RASSF6: variants seen among roughly 807,000 people sequenced by gnomAD.
RASSF6 encodes ras association domain-containing protein 6.
RASSF6 carries 52 observed loss-of-function variants against 44.0 expected under a neutral mutation model. The observed-to-expected ratio is 1.18, with a 90% CI of 0.95 to 1.49. RASSF6 has a LOEUF of 1.49. Ranked by LOEUF, RASSF6 falls within the 40% of genes most tolerant of loss-of-function variation. The pLI is 0.00. For missense variants in RASSF6, 464 were observed against 393.3 expected (o/e 1.18, Z -1.52); for synonymous variants, 162 against 124.6 (o/e 1.30, Z -2.00).
intron 8 of RASSF6, among the ~76,000 whole-genome samples, chr4:73,579,767 T>C (rs1723480777): frequency 6.6e-6 from 1 of 152,058 alleles, no homozygotes; most frequent in African/African-American, 2.4e-5. Context: ...TTGCTACCAT[T>C]TATTTTATAT....
chr4:73,612,620 G>A (rs1334774270), intron 1 of RASSF6, among the ~76,000 whole-genome samples: 1 of 151,296 alleles, frequency 6.6e-6, no homozygotes, highest in Admixed American at 6.6e-5. Context: ...AGAGTACCAG[G>A]AAAAAAAGAA....
intron 6 of RASSF6, among the ~76,000 whole-genome samples, chr4:73,583,304 T>C (rs1055323967): frequency 6.6e-6 from 1 of 152,152 alleles, no homozygotes; most frequent in African/African-American, 2.4e-5. Flanking sequence ...TGTCAACATA[T>C]AGTGAATTTG....
In RASSF6 at chr4:73,582,231, C is replaced by A; in HGVS notation, c.627G>T (p.Met209Ile). 1 of 1,597,502 alleles carries A rather than the reference C, an allele frequency of 6.3e-7. No individual in the cohort carries two copies. Among genetic ancestry groups the A allele is most frequent in the South Asian group, 1.1e-5 (1 of 88,718 alleles). The change falls in exon 7 of 11, where the codon ATG (methionine) becomes ATT (isoleucine). Residue 209 changes from methionine (M) to isoleucine (I), a missense_variant. Physicochemically the swap from Met to Ile is conservative, Grantham distance 10. Transcript: ENST00000307439. Reference sequence around the variant, plus strand: ...GTTGCTTTATTACTTCTTCAGTTCTCATGTTACTGTTTACTCTGACCTTAG... The same window carrying A: ...GTTGCTTTATTACTTCTTCAGTTCTAATGTTACTGTTTACTCTGACCTTAG... Reference protein sequence around the residue: ...SETKVRVNSNMRTEEVIKQLL... With the variant: ...SETKVRVNSNIRTEEVIKQLL...
intron 4 of RASSF6, among the ~76,000 whole-genome samples, chr4:73,590,947 G>A (rs1578035900): frequency 6.6e-6 from 1 of 152,176 alleles, no homozygotes; most frequent in Non-Finnish European, 1.5e-5. Flanking sequence ...GGTGTATCAT[G>A]AGGATATTAT....
At chr4:73,605,076 G>A (rs1027815444) in intron 2 of RASSF6, among the ~76,000 whole-genome samples, 3 of 151,904 alleles carry the variant, frequency 2.0e-5, no homozygotes, top group South Asian at 2.1e-4. Flanking sequence ...TTTCAGTAGA[G>A]ATGGGGTTTC....
At chr4:73,587,073 G>T (rs1724153040) in intron 5 of RASSF6, among the ~76,000 whole-genome samples, 1 of 151,988 alleles carries the variant, frequency 6.6e-6, no homozygotes, top group South Asian at 2.1e-4. Flanking sequence ...TCAGTCATCA[G>T]CATCCACTAC....
Position 73,572,951 on chromosome 4 carries a change from A to G in RASSF6, c.*3284T>C, listed in dbSNP as rs760882427. ...AGTGTTCACACACACAAATACATAT[A>G]TATATACACACACATACATATATAA... On this transcript the variant is annotated 3_prime_UTR_variant, in exon 11 of 11. Transcript: ENST00000307439. 3 of 152,100 alleles carry G rather than the reference A, an allele frequency of 2.0e-5. No individual in the cohort carries two copies. Among genetic ancestry groups the G allele is most frequent in the Non-Finnish European group, 2.9e-5 (2 of 68,006 alleles). 9.4% of individuals were successfully genotyped at this position (152,100 alleles called of 1,614,324 possible). A position where few individuals can be genotyped will look rare whatever the true frequency, so the allele number is the denominator to read the frequency against.
chr4:73,575,489 T>C lies in RASSF6; in HGVS notation c.*746A>G, dbSNP rs1022165746. 1.3e-5 allele frequency: 2 copies of C among 152,156 alleles called. No individual in the cohort carries two copies. Among genetic ancestry groups the C allele is most frequent in the African/African-American group, 4.8e-5 (2 of 41,434 alleles). The allele number at this position is 152,156 out of a possible 1,614,324, so 9.4% of individuals were successfully genotyped here. A position where few individuals can be genotyped will look rare whatever the true frequency, so the allele number is the denominator to read the frequency against. On this transcript the variant is annotated 3_prime_UTR_variant, in exon 11 of 11. Coordinates refer to ENST00000307439, the MANE Select transcript of RASSF6 (RefSeq NM_177532.5). The stretch of plus-strand genomic sequence containing the variant: ...CCAAGTCTTACTTTAGCCGATGTAA[T>C]ATGTCTATGTGATATAAACATTTTT...
At chr4:73,595,809 T>C (rs1163395425) in intron 3 of RASSF6, among the ~76,000 whole-genome samples, 1 of 152,166 alleles carries the variant, frequency 6.6e-6, no homozygotes, top group African/African-American at 2.4e-5. Flanking sequence ...TATTATTGAA[T>C]TTGGGAAAGT....
chr4:73,620,531 C>G, upstream of RASSF6: 2 of 1,463,990 alleles, frequency 1.4e-6, no homozygotes, highest in South Asian at 1.3e-5. Flanking sequence ...GTGCCCCCGA[C>G]GCGATCAGCG....
chr4:73,613,895 A>G (rs894240557), intron 1 of RASSF6, among the ~76,000 whole-genome samples: 1 of 151,994 alleles, frequency 6.6e-6, no homozygotes, highest in African/African-American at 2.4e-5. Flanking sequence ...CTATCTATAC[A>G]TTCTTCCAGG....
chr4:73,612,751 T>A (rs1283987464), intron 1 of RASSF6, among the ~76,000 whole-genome samples: 3 of 152,158 alleles, frequency 2.0e-5, no homozygotes, highest in African/African-American at 7.2e-5. Flanking sequence ...GGCTGGAGTC[T>A]CATTTTAGGC....
intron 3 of RASSF6, among the ~76,000 whole-genome samples, chr4:73,598,425 T>C (rs1296471922): frequency 6.6e-6 from 1 of 152,240 alleles, no homozygotes; most frequent in Non-Finnish European, 1.5e-5. Context: ...ATTCATATTC[T>C]ATTTTTAAAA....
intron 7 of RASSF6, 33 bp from the exon 8 acceptor site, chr4:73,581,901 C>A (rs1723680103): frequency 1.3e-6 from 2 of 1,547,590 alleles, no homozygotes; most frequent in Non-Finnish European, 1.8e-6. Context: ...AATATAAATT[C>A]TTTGTTGTTA....
chr4:73,607,814 C>A (rs2463884), intron 2 of RASSF6, among the ~76,000 whole-genome samples: 139,787 of 141,748 alleles, frequency 0.99, 68,958 homozygotes, highest in Middle Eastern at 1. Context: ...AGGACAGCTA[C>A]CTCCTCTCCT....
intron 2 of RASSF6, among the ~76,000 whole-genome samples, chr4:73,607,812 T>TA (rs1725742558): frequency 9.9e-5 from 15 of 151,870 alleles, no homozygotes; most frequent in Admixed American, 2.0e-4. Context: ...GTAGGACAGC[T>TA]ACCTCCTCTC....
chr4:73,584,446 A>G (rs1223354657), intron 6 of RASSF6, among the ~76,000 whole-genome samples: 1 of 152,190 alleles, frequency 6.6e-6, no homozygotes, highest in East Asian at 1.9e-4. Flanking sequence ...GTAATGTCTT[A>G]CAAGCACTAT....
At chr4:73,611,979 G>A in intron 1 of RASSF6, 150 bp from the exon 2 acceptor site, 2 of 486,186 alleles carry the variant, frequency 4.1e-6, no homozygotes, top group Non-Finnish European at 7.4e-6. Context: ...CAAAAATACA[G>A]AAAAATGTAT....
chr4:73,603,568 A>C (rs1310765665), intron 2 of RASSF6, among the ~76,000 whole-genome samples: 3 of 152,094 alleles, frequency 2.0e-5, no homozygotes, highest in Admixed American at 6.5e-5. Context: ...GTGGACCCAG[A>C]GTTTACTGTA....
Sources: gnomAD v4.1 joint callset for allele counts (sites outside exome capture counted in the v4.1 genomes callset) on GRCh38, gnomAD v4.1.1 for gene constraint, MANE v1.5 for transcripts, NCBI Gene and HGNC (gene_info 2026-07-23, HGNC 2026-07-21) for gene names.